DIP2A: variants seen among roughly 807,000 people sequenced by gnomAD.
DIP2A encodes the protein DIP2 acetate--CoA ligase A.
In DIP2A, 85 loss-of-function variants were observed where a neutral mutation model predicts 177.4. That is an observed-to-expected ratio of 0.48 (90% confidence interval 0.40 to 0.57). The LOEUF is 0.57. Ranked by LOEUF, DIP2A falls within the 20% of genes least tolerant of loss-of-function variation. The pLI is 0.00. For missense variants in DIP2A, 1,791 were observed against 2,100.2 expected, an observed-to-expected ratio of 0.85 and a Z score of 2.88; for synonymous variants, 886 against 881.8, an observed-to-expected ratio of 1.00 and a Z score of -0.08.
chr21:46,561,517 T>G (rs2060661088), intron 33 of DIP2A: 1 of 623,440 alleles, frequency 1.6e-6, no homozygotes, highest in Admixed American at 2.4e-5. Context: ...TAGAGTGAGC[T>G]GCTGTGAGCA....
chr21:46,485,727 T>C lies in DIP2A; in HGVS notation c.163+899T>C, dbSNP rs531004970. On this transcript the variant is annotated intron_variant, in intron 2 of 37. Transcript: ENST00000417564. Reference sequence around the variant, plus strand: ...TTTTTCAAACGTCATCATAAAGAGATTGCAAAGACAAACTACAGAGTGTGA... The same window carrying C: ...TTTTTCAAACGTCATCATAAAGAGACTGCAAAGACAAACTACAGAGTGTGA... 5.8e-4 allele frequency among the ~76,000 whole-genome samples: 88 copies of C among 151,992 alleles called. 1 individual carries two copies. Among genetic ancestry groups the C allele is most frequent in the African/African-American group, 2.0e-3 (83 of 41,436 alleles).
Position 46,551,902 on chromosome 21 carries a change from A to C in DIP2A, c.3028A>C (p.Lys1010Gln). 1 of 1,601,512 alleles carries C rather than the reference A, an allele frequency of 6.2e-7. No homozygotes were observed. Among genetic ancestry groups the C allele is most frequent in the Non-Finnish European group, 8.5e-7 (1 of 1,175,000 alleles). ...DHPLFLLLNA[K>Q]GTVTSTATCV... Reference sequence around the variant, plus strand: ...CCCGCTGTTCTTGCTGCTGAACGCCAAGGTGAGGCAGTGTCACGCCCACGG... The same window carrying C: ...CCCGCTGTTCTTGCTGCTGAACGCCCAGGTGAGGCAGTGTCACGCCCACGG... Residue 1010 changes from lysine (K) to glutamine (Q), a missense_variant and splice_region_variant, in exon 25 of 38, where the codon AAG (lysine) becomes CAG (glutamine). Transcript: ENST00000417564.
intron 5 of DIP2A, among the ~76,000 whole-genome samples, chr21:46,503,283 A>G (rs888889392): frequency 1.3e-5 from 2 of 149,192 alleles, no homozygotes; most frequent in Non-Finnish European, 1.5e-5. Flanking sequence ...AGATTGTGCC[A>G]CTGCACTCCA....
intron 1 of DIP2A, among the ~76,000 whole-genome samples, chr21:46,474,376 T>C (rs2055661325): frequency 6.6e-6 from 1 of 152,006 alleles, no homozygotes; most frequent in Non-Finnish European, 1.5e-5. Flanking sequence ...GTGAATATGA[T>C]TACCCCATAA....
intron 3 of DIP2A, among the ~76,000 whole-genome samples, chr21:46,496,165 C>T (rs1438489480): frequency 2.0e-5 from 3 of 151,606 alleles, no homozygotes; most frequent in Admixed American, 6.6e-5. Context: ...CCTCCTAGAG[C>T]GCTGGGATTA....
chr21:46,560,686 C>G (rs1257934822), intron 32 of DIP2A, 36 bp from the exon 33 acceptor site: 2 of 1,586,018 alleles, frequency 1.3e-6, no homozygotes, highest in Non-Finnish European at 1.7e-6. Flanking sequence ...TAAGTGAGGC[C>G]CCTGAACAGA....
intron 8 of DIP2A, 150 bp downstream of exon 8, chr21:46,511,764 T>G: frequency 2.5e-5 from 21 of 823,668 alleles, no homozygotes; most frequent in Non-Finnish European, 3.6e-5. Flanking sequence ...CAGGTACCCA[T>G]CCCACCGGAG....
chr21:46,554,786 G>GGGGGGGGGGGGGCGC, intron 27 of DIP2A, 36 bp from the exon 28 acceptor site: 2 of 1,519,114 alleles, frequency 1.3e-6, no homozygotes, highest in Non-Finnish European at 1.8e-6. Flanking sequence ...AGCTTGAGAG[G>GGGGGGGGGGGGGCGC]CCCCGCCCAC....
At chr21:46,575,240 A>C in the DIP2A span, among the ~76,000 whole-genome samples, 1 of 152,206 alleles carries the variant, frequency 6.6e-6, no homozygotes. Flanking sequence ...TATAATGATT[A>C]AAGAAAAAAA....
chr21:46,557,106 C>A lies in DIP2A; in HGVS notation c.3629+37C>A. 6.4e-7 allele frequency: 1 copy of A among 1,565,104 alleles called. No individual in the cohort carries two copies. Among genetic ancestry groups the A allele is most frequent in the Non-Finnish European group, 8.7e-7 (1 of 1,150,934 alleles). On this transcript the variant is annotated intron_variant, in intron 30 of 37. Transcript: ENST00000417564. The surrounding 1 kb of genome is among the most constrained non-coding windows in gnomAD (Gnocchi z 6.0). ...GCCCCTGCTGCCTGCCAGGTGGGAG[C>A]AGCTCGTGTGGCTCTTAGGAACCTT...
rs2051768375 is a variant in DIP2A, at chr21:46,556,631, C to T, written c.3499-308C>T. 1 of 369,884 alleles carries T rather than the reference C, an allele frequency of 2.7e-6. No homozygotes were observed. The highest frequency in any genetic ancestry group is 2.3e-5 in the South Asian group (1 of 43,644). The allele number at this position is 369,884 out of a possible 1,614,324, so 22.9% of individuals were successfully genotyped here. A position where few individuals can be genotyped will look rare whatever the true frequency, so the allele number is the denominator to read the frequency against. On this transcript the variant is annotated intron_variant, in intron 29 of 37. Transcript: ENST00000417564. This position sits in a 1 kb window ranked among gnomAD's most constrained non-coding sequence, Gnocchi z 4.5. ...CCGGGAGGCAGAGGTTGCAGTGAGC[C>T]GAGATTGTGCCATTGCACTCCAGCC...
At chr21:46,497,287 A>G (rs773433968) in intron 4 of DIP2A, among the ~76,000 whole-genome samples, 180 bp downstream of exon 4, 3 of 152,218 alleles carry the variant, frequency 2.0e-5, no homozygotes, top group African/African-American at 4.8e-5. Flanking sequence ...TATGGTGTAC[A>G]TAGTATTCTT....
Position 46,463,777 on chromosome 21 carries a change from C to T in DIP2A, c.91+4555C>T, listed in dbSNP as rs557521207. ...AGTCTGGAGTTCAGTGGCGCGATCT[C>T]GGCTCACTGCAGCCTCCACCTCCCG... On this transcript the variant is annotated intron_variant, in intron 1 of 37. Coordinates refer to ENST00000417564, the MANE Select transcript of DIP2A (RefSeq NM_015151.4). 4.6e-4 allele frequency among the ~76,000 whole-genome samples: 69 copies of T among 151,576 alleles called. 1 individual carries two copies. The highest frequency in any genetic ancestry group is 4.3e-3 in the Admixed American group (66 of 15,206).
intron 23 of DIP2A, 23 bp downstream of exon 23, chr21:46,550,767 A>G (rs1474635527): frequency 1.2e-6 from 2 of 1,612,042 alleles, no homozygotes; most frequent in East Asian, 4.5e-5. Flanking sequence ...TAACAACAGG[A>G]TGCTCTCTAG....
intron 36 of DIP2A, 46 bp from the exon 37 acceptor site, chr21:46,566,514 G>A: frequency 6.2e-7 from 1 of 1,612,728 alleles, no homozygotes; most frequent in Non-Finnish European, 8.5e-7. Context: ...TCCAGACTCT[G>A]CATGCCTTGG....
At chr21:46,468,871 G>A (rs1440026075) in intron 1 of DIP2A, among the ~76,000 whole-genome samples, 2 of 152,130 alleles carry the variant, frequency 1.3e-5, no homozygotes, top group African/African-American at 4.8e-5. Flanking sequence ...AGAAATATCA[G>A]TGATTTCAAT....
chr21:46,515,230 G>A (rs2058516598), intron 8 of DIP2A, among the ~76,000 whole-genome samples: 1 of 152,236 alleles, frequency 6.6e-6, no homozygotes, highest in Admixed American at 6.5e-5. Context: ...AAGTAAGGCA[G>A]TGGGACAAGG....
At chr21:46,540,588 C>T (rs1239040294) in intron 17 of DIP2A, among the ~76,000 whole-genome samples, 2 of 152,212 alleles carry the variant, frequency 1.3e-5, no homozygotes, top group Non-Finnish European at 2.9e-5. Flanking sequence ...ACTCCCAGCT[C>T]CATCCTGTGG....
At chr21:46,554,075 TG>T in intron 25 of DIP2A, 93 bp from the exon 26 acceptor site, 1 of 1,463,338 alleles carries the variant, frequency 6.8e-7, no homozygotes, top group South Asian at 1.3e-5. Context: ...CAAGGTGTCG[TG>T]TGCAGTGGCG....
Sources: allele counts gnomAD v4.1 joint callset (sites outside exome capture counted in the v4.1 genomes callset), GRCh38; gene constraint gnomAD v4.1.1; non-coding constraint Gnocchi (gnomAD v3.1); transcripts MANE v1.5; gene names NCBI Gene and HGNC (gene_info 2026-07-23, HGNC 2026-07-21).